The following PDZD2 variants were observed in gnomAD, a reference collection of about 807,000 sequenced individuals.
PDZD2 encodes the protein PDZ domain-containing protein 2.
PDZD2 carries 90 observed loss-of-function variants against 220.7 expected under a neutral mutation model. The observed-to-expected ratio is 0.41, with a 90% CI of 0.34 to 0.49. PDZD2 has a LOEUF of 0.49. Ranked by LOEUF, PDZD2 falls within the 20% of genes least tolerant of loss-of-function variation. PDZD2 has a pLI of 0.28. For missense variants in PDZD2, 3,174 were observed against 3,608.5 expected (o/e 0.88, Z 3.08); for synonymous variants, 1,375 against 1,450.5 (o/e 0.95, Z 1.18).
intron 2 of PDZD2, among the ~76,000 whole-genome samples, chr5:31,982,473 A>C (rs1035235515): frequency 6.6e-6 from 1 of 151,988 alleles, no homozygotes; most frequent in Non-Finnish European, 1.5e-5. Context: ...ACACCGGACT[A>C]ATTTTTGTAT....
At chr5:32,026,685 C>T (rs1354735077) in intron 6 of PDZD2, among the ~76,000 whole-genome samples, 1 of 152,192 alleles carries the variant, frequency 6.6e-6, no homozygotes, top group Admixed American at 6.5e-5. Context: ...CAAGGGTCTA[C>T]CTTGAGTAGC....
At chr5:31,732,971 C>T (rs1307831351) in intron 1 of PDZD2, among the ~76,000 whole-genome samples, 1 of 152,286 alleles carries the variant, frequency 6.6e-6, no homozygotes, top group South Asian at 2.1e-4. Flanking sequence ...TCAGGTGATG[C>T]GCCTGCCTCG....
chr5:31,937,613 T>G (rs1009151010), intron 2 of PDZD2, among the ~76,000 whole-genome samples: 1 of 152,216 alleles, frequency 6.6e-6, no homozygotes, highest in Non-Finnish European at 1.5e-5. Context: ...ACATCATTGC[T>G]AGTCTCTCTT....
chr5:31,667,865 T>TC (rs1746060674), intron 1 of PDZD2, among the ~76,000 whole-genome samples: 1 of 136,508 alleles, frequency 7.3e-6, no homozygotes, highest in Non-Finnish European at 1.6e-5. Context: ...CTTTTTTTTT[T>TC]TTTTTTTTTT....
intron 2 of PDZD2, among the ~76,000 whole-genome samples, chr5:31,882,804 G>A (rs141350817): frequency 3.3e-5 from 5 of 151,808 alleles, no homozygotes; most frequent in African/African-American, 1.2e-4. Context: ...CGAGGTGGGC[G>A]GATCACTTGA....
intron 6 of PDZD2, among the ~76,000 whole-genome samples, chr5:32,029,446 T>C (rs944926235): frequency 6.7e-6 from 1 of 148,774 alleles, no homozygotes; most frequent in African/African-American, 2.5e-5. Context: ...GCACAGCAAC[T>C]AGATTTTAGC....
intron 1 of PDZD2, chr5:31,754,349 T>A (rs1334459108): frequency 6.6e-6 from 1 of 152,112 alleles, no homozygotes; most frequent in Admixed American, 6.6e-5. Flanking sequence ...GGGCGGATGA[T>A]GGGCATCCCT....
intron 1 of PDZD2, among the ~76,000 whole-genome samples, chr5:31,746,929 A>T (rs1170890140): frequency 2.0e-5 from 3 of 152,190 alleles, no homozygotes; most frequent in African/African-American, 7.2e-5. Context: ...TAATCTCAGC[A>T]CTTTGGGAGG....
Position 31,844,578 on chromosome 5 carries a change from G to T in PDZD2, c.476+44854G>T, listed in dbSNP as rs116621793. Reference sequence around the variant, plus strand: ...AATGAAAAATTCCATGTGATTTTTGGGATCTACTTAGAGTAAAATAATTAC... The same window carrying T: ...AATGAAAAATTCCATGTGATTTTTGTGATCTACTTAGAGTAAAATAATTAC... On this transcript the variant is annotated intron_variant, in intron 2 of 24. Transcript: ENST00000438447. 4.8e-3 allele frequency among the ~76,000 whole-genome samples: 728 copies of T among 152,220 alleles called. 7 individuals carry two copies. Among genetic ancestry groups the T allele is most frequent in the African/African-American group, 0.017 (692 of 41,512 alleles).
At chr5:31,728,059 T>C (rs1749286682) in intron 1 of PDZD2, among the ~76,000 whole-genome samples, 1 of 150,288 alleles carries the variant, frequency 6.7e-6, no homozygotes, top group Admixed American at 6.6e-5. Flanking sequence ...CCTATGGGCA[T>C]GTGCTATAGT....
chr5:31,883,023 CAAAAAAA>C (rs781370177), intron 2 of PDZD2, among the ~76,000 whole-genome samples: 3 of 47,960 alleles, frequency 6.3e-5, no homozygotes, highest in East Asian at 1.0e-3. Context: ...GACTCTGTCT[CAAAAAAA>C]AAAAAAAAAA....
intron 1 of PDZD2, among the ~76,000 whole-genome samples, chr5:31,711,322 C>T (rs6450855): frequency 0.52 from 79,123 of 152,006 alleles, 20,759 homozygotes; most frequent in African/African-American, 0.58. Context: ...GTGCCCCGAG[C>T]TACTGTGTGT....
intron 2 of PDZD2, among the ~76,000 whole-genome samples, chr5:31,926,048 C>T (rs190548195): frequency 2.4e-4 from 37 of 152,120 alleles, no homozygotes; most frequent in Admixed American, 1.5e-3. Flanking sequence ...TAGCAAGACC[C>T]TGTCTCGACA....
rs1754273548 is a variant in PDZD2 at position 31,799,662 on chromosome 5, G to A, written c.414G>A (p.Leu138=). The A allele has an allele frequency of 6.2e-7, 1 of 1,614,018 alleles. No homozygotes were observed. The highest frequency in any genetic ancestry group is 1.1e-5 in the South Asian group (1 of 91,080). The change falls in exon 2 of 25, where the codon CTG becomes CTA. Residue 138 remains leucine, a synonymous_variant. Coordinates refer to ENST00000438447, the MANE Select transcript of PDZD2 (RefSeq NM_178140.4). The part of the protein sequence containing the change: ...SPAGKSGKVR[L]RDEILSLNGQ... Reference sequence around the variant, plus strand: ...CAGGGAAGAGTGGGAAGGTCCGACTGCGGGATGAGATCCTCTCACTGAATG... The same window carrying A: ...CAGGGAAGAGTGGGAAGGTCCGACTACGGGATGAGATCCTCTCACTGAATG...
At chr5:31,816,933 C>T (rs1467302616) in intron 2 of PDZD2, among the ~76,000 whole-genome samples, 1 of 152,184 alleles carries the variant, frequency 6.6e-6, no homozygotes, top group East Asian at 1.9e-4. Context: ...CCTGTAATCC[C>T]AGCACTTTGG....
intron 18 of PDZD2, among the ~76,000 whole-genome samples, chr5:32,075,557 A>G (rs1741204718): frequency 6.6e-6 from 1 of 152,270 alleles, no homozygotes; most frequent in Non-Finnish European, 1.5e-5. Flanking sequence ...AATGTACCAC[A>G]TTAAATGCAA....
At chr5:31,750,718 G>A (rs1750905533) in intron 1 of PDZD2, among the ~76,000 whole-genome samples, 1 of 152,170 alleles carries the variant, frequency 6.6e-6, no homozygotes, top group South Asian at 2.1e-4. Context: ...CTGTATTCAA[G>A]ACAGAGCAAG....
chr5:32,032,148 G>T (rs532010436), intron 6 of PDZD2, among the ~76,000 whole-genome samples: 2 of 152,192 alleles, frequency 1.3e-5, no homozygotes, highest in Non-Finnish European at 2.9e-5. Flanking sequence ...AAGTAAACGT[G>T]GGGGAGAGCA....
intron 2 of PDZD2, among the ~76,000 whole-genome samples, chr5:31,900,135 G>A (rs1741945186): frequency 6.6e-6 from 1 of 152,190 alleles, no homozygotes; most frequent in Admixed American, 6.5e-5. Context: ...TTTGAGAATG[G>A]CAGAGGGTGA....
Sources: allele counts gnomAD v4.1 joint callset (sites outside exome capture counted in the v4.1 genomes callset), GRCh38; gene constraint gnomAD v4.1.1; transcripts MANE v1.5; gene names NCBI Gene and HGNC (gene_info 2026-07-23, HGNC 2026-07-21).